Variants in SEMA6D observed in about 807,000 individuals in gnomAD.
SEMA6D encodes semaphorin 6D.
Under a neutral mutation model 106.6 loss-of-function variants are expected in SEMA6D, and 35 were observed. That is an observed-to-expected ratio of 0.33 (90% CI 0.25 to 0.44). SEMA6D has a LOEUF of 0.44. SEMA6D is among the 20% of genes least tolerant of loss of function. The probability of loss-of-function intolerance (pLI) is 1.00; values close to 1 mark genes in which losing one functional copy is unlikely to be tolerated. For synonymous variants in SEMA6D, 499 were observed against 487.7 expected, an observed-to-expected ratio of 1.02 and a Z score of -0.31; for missense variants, 1,185 against 1,345.9, an observed-to-expected ratio of 0.88 and a Z score of 1.87.
intron 1 of SEMA6D, among the ~76,000 whole-genome samples, chr15:47,409,856 T>C (rs989563831): frequency 2.1e-5 from 3 of 139,832 alleles, no homozygotes; most frequent in Non-Finnish European, 4.7e-5. Context: ...AGCAAATGCA[T>C]CACAAGTAAA....
intron 3 of SEMA6D, among the ~76,000 whole-genome samples, chr15:47,573,349 A>T (rs899745875): frequency 2.0e-5 from 3 of 152,240 alleles, no homozygotes; most frequent in African/African-American, 7.2e-5. Context: ...CTTATAAAAC[A>T]GGCAAGATTT....
At chr15:47,542,152 A>G (rs2045374302) in intron 3 of SEMA6D, among the ~76,000 whole-genome samples, 1 of 152,176 alleles carries the variant, frequency 6.6e-6, no homozygotes, top group Non-Finnish European at 1.5e-5. Context: ...CCAATAACAA[A>G]TTTCTGTAAT....
chr15:47,467,181 CTG>C (rs1444455693), intron 2 of SEMA6D, among the ~76,000 whole-genome samples: 1 of 152,066 alleles, frequency 6.6e-6, no homozygotes, highest in East Asian at 1.9e-4. Context: ...ACCTGGAAAA[CTG>C]TGAGTTATCC....
At chr15:47,349,648 C>G (rs2038231586) in intron 1 of SEMA6D, among the ~76,000 whole-genome samples, 1 of 151,948 alleles carries the variant, frequency 6.6e-6, no homozygotes, top group East Asian at 1.9e-4. Flanking sequence ...GCAGAGATTG[C>G]TATTACCAAA....
chr15:47,482,676 T>C (rs1348991025), intron 3 of SEMA6D, among the ~76,000 whole-genome samples: 1 of 151,864 alleles, frequency 6.6e-6, no homozygotes, highest in Non-Finnish European at 1.5e-5. Context: ...AAATGATGAG[T>C]AGGAAATGAG....
intron 1 of SEMA6D, among the ~76,000 whole-genome samples, chr15:47,300,384 A>G (rs1025267261): frequency 6.6e-6 from 1 of 151,658 alleles, no homozygotes; most frequent in Admixed American, 6.6e-5. Flanking sequence ...AAGTTAAAAC[A>G]CGTATTGAGT....
At chr15:47,625,592 A>G (rs1182568592) in intron 4 of SEMA6D, among the ~76,000 whole-genome samples, 2 of 152,008 alleles carry the variant, frequency 1.3e-5, no homozygotes, top group African/African-American at 4.8e-5. Flanking sequence ...AAAATTAGCC[A>G]GGCATGGTGG....
intron 1 of SEMA6D, among the ~76,000 whole-genome samples, chr15:47,191,491 A>G (rs17283584): frequency 0.25 from 38,055 of 151,990 alleles, 5,334 homozygotes; most frequent in Non-Finnish European, 0.32. Context: ...GATCAAGGCA[A>G]CTTGACTTCT....
intron 1 of SEMA6D, among the ~76,000 whole-genome samples, chr15:47,262,790 T>C (rs2034138010): frequency 6.6e-6 from 1 of 152,058 alleles, no homozygotes; most frequent in South Asian, 2.1e-4. Flanking sequence ...CTACCTGACT[T>C]CAAACTATGC....
intron 1 of SEMA6D, among the ~76,000 whole-genome samples, chr15:47,298,310 A>G (rs1354403898): frequency 1.3e-5 from 2 of 151,874 alleles, no homozygotes; most frequent in Non-Finnish European, 2.9e-5. Context: ...TCAGCTCAAT[A>G]TAGACAAAAC....
chr15:47,255,190 G>A (rs1261001408), intron 1 of SEMA6D, among the ~76,000 whole-genome samples: 1 of 151,982 alleles, frequency 6.6e-6, no homozygotes, highest in East Asian at 1.9e-4. Context: ...ATGTGCCAAG[G>A]AACTTACCAG....
chr15:47,239,243 C>A (rs1397279102), intron 1 of SEMA6D, among the ~76,000 whole-genome samples: 9 of 152,148 alleles, frequency 5.9e-5, no homozygotes, highest in Non-Finnish European at 1.2e-4. Flanking sequence ...CTCCTGTCAC[C>A]CCCAGATGGG....
intron 3 of SEMA6D, among the ~76,000 whole-genome samples, chr15:47,473,712 A>T (rs2042920050): frequency 6.6e-6 from 1 of 152,096 alleles, no homozygotes; most frequent in South Asian, 2.1e-4. Flanking sequence ...CGTCTTCCAG[A>T]CTGCCTGGGG....
At chr15:47,550,798 G>A (rs556171012) in intron 3 of SEMA6D, among the ~76,000 whole-genome samples, 71 of 152,224 alleles carry the variant, frequency 4.7e-4, no homozygotes, top group Admixed American at 9.8e-4. Flanking sequence ...TTCTCCCGTG[G>A]CTGAGAAACC....
chr15:47,488,542 T>C (rs2043367662), intron 3 of SEMA6D, among the ~76,000 whole-genome samples: 1 of 152,172 alleles, frequency 6.6e-6, no homozygotes, highest in Non-Finnish European at 1.5e-5. Context: ...CTCCTCTTTT[T>C]CTGAAAAATA....
At chr15:47,237,427 A>G (rs951276153) in intron 1 of SEMA6D, among the ~76,000 whole-genome samples, 3 of 127,706 alleles carry the variant, frequency 2.3e-5, no homozygotes, top group Admixed American at 1.7e-4. Flanking sequence ...AAACGTTTCT[A>G]GTAATTTTTT....
chr15:47,583,790 C>A (rs954624168), intron 3 of SEMA6D, among the ~76,000 whole-genome samples: 1 of 152,084 alleles, frequency 6.6e-6, no homozygotes. Flanking sequence ...ACAGCTGTGA[C>A]AACATTAGGG....
At chr15:47,760,898 G>T in intron 3 of SEMA6D, 80 bp from the exon 4 acceptor site, 1 of 1,263,092 alleles carries the variant, frequency 7.9e-7, no homozygotes, top group Non-Finnish European at 1.1e-6. Flanking sequence ...AATAAAGGCA[G>T]ATCTGTAAAA....
intron 2 of SEMA6D, among the ~76,000 whole-genome samples, chr15:47,420,612 T>C (rs1269610980): frequency 6.6e-6 from 1 of 152,092 alleles, no homozygotes; most frequent in Non-Finnish European, 1.5e-5. Flanking sequence ...ATATTCTGCC[T>C]TTGCTGAACA....
Sources: gnomAD v4.1 joint callset for allele counts (sites outside exome capture counted in the v4.1 genomes callset) on GRCh38, gnomAD v4.1.1 for gene constraint, MANE v1.5 for transcripts, NCBI Gene and HGNC (gene_info 2026-07-23, HGNC 2026-07-21) for gene names.